CNTNAP5: variants seen among roughly 807,000 people sequenced by gnomAD.
CNTNAP5 encodes the protein contactin-associated protein-like 5.
A neutral mutation model predicts 150.2 loss-of-function variants in CNTNAP5; 72 were observed. The observed-to-expected ratio is 0.48, with a 90% confidence interval of 0.40 to 0.58. The LOEUF (loss-of-function observed/expected upper bound fraction) is 0.58. CNTNAP5 is among the 20% of genes least tolerant of loss of function. The probability of loss-of-function intolerance (pLI) is 0.00; values close to 1 mark genes in which losing one functional copy is unlikely to be tolerated. For missense variants in CNTNAP5, 1,636 were observed against 1,626.2 expected (o/e 1.01, Z -0.10); for synonymous variants, 672 against 619.8 (o/e 1.08, Z -1.25).
chr2:124,760,500 A>G lies in CNTNAP5; in HGVS notation c.2235-3172A>G, dbSNP rs1474418497. Among the ~76,000 whole-genome samples the G allele has an allele frequency of 2.0e-4, 31 of 152,036 alleles. 1 individual carries two copies. The highest frequency in any genetic ancestry group is 4.6e-4 in the Non-Finnish European group (31 of 67,994). On this transcript the variant is annotated intron_variant, in intron 14 of 23. Coordinates refer to ENST00000682447, the MANE Select transcript of CNTNAP5 (RefSeq NM_001367498.1). ...GCCACTCTAAATTTGGTGAAATACCAAAATTCAGATATTTAAACTTAGAGA... is the reference window on the plus strand; with the variant it reads ...GCCACTCTAAATTTGGTGAAATACCGAAATTCAGATATTTAAACTTAGAGA...
rs567234517 is a variant in CNTNAP5, at chr2:124,397,205, C to T, written c.382-20238C>T. On this transcript the variant is annotated intron_variant, in intron 3 of 23. Transcript: ENST00000682447. Reference sequence around the variant, plus strand: ...GATTACTTGGTGCAGGTTGACAATTCTAGAGCCTTTCTGTCTTAGAAAGTT... The same window carrying T: ...GATTACTTGGTGCAGGTTGACAATTTTAGAGCCTTTCTGTCTTAGAAAGTT... Among the ~76,000 whole-genome samples, 3 of 152,248 alleles carry T rather than the reference C, an allele frequency of 2.0e-5. No homozygotes were observed. In the East Asian group the frequency reaches 5.8e-4, roughly 29 times the overall value.
chr2:124,898,526 T>C (rs1393110013), intron 21 of CNTNAP5, among the ~76,000 whole-genome samples: 2 of 151,572 alleles, frequency 1.3e-5, no homozygotes, highest in Non-Finnish European at 2.9e-5. Context: ...TCTACTAGAT[T>C]TAATAGAGGA....
At chr2:124,906,484 A>G (rs1169543790) in intron 22 of CNTNAP5, among the ~76,000 whole-genome samples, 2 of 152,080 alleles carry the variant, frequency 1.3e-5, no homozygotes, top group Non-Finnish European at 2.9e-5. Context: ...GTAATTTTCT[A>G]TTACAGGCAC....
At chr2:124,898,578 A>G (rs1243847427) in intron 21 of CNTNAP5, among the ~76,000 whole-genome samples, 2 of 151,664 alleles carry the variant, frequency 1.3e-5, no homozygotes, top group African/African-American at 4.9e-5. Flanking sequence ...TTGCAAAATA[A>G]TGTAGAAAGT....
intron 1 of CNTNAP5, among the ~76,000 whole-genome samples, chr2:124,097,296 C>CCACAT (rs1323864975): frequency 6.6e-6 from 1 of 152,102 alleles, no homozygotes; most frequent in Non-Finnish European, 1.5e-5. Flanking sequence ...ATTCTAAAGT[C>CCACAT]CACATTCTAA....
intron 17 of CNTNAP5, among the ~76,000 whole-genome samples, chr2:124,785,452 G>A (rs151066322): frequency 9.2e-5 from 14 of 152,270 alleles, no homozygotes; most frequent in South Asian, 6.2e-4. Context: ...GGAAATGATC[G>A]GTGGGTAGAA....
At chr2:124,713,351 CT>C (rs1237518167) in intron 13 of CNTNAP5, among the ~76,000 whole-genome samples, 1 of 121,436 alleles carries the variant, frequency 8.2e-6, no homozygotes, top group Non-Finnish European at 1.7e-5. Flanking sequence ...TTCTTTCTTT[CT>C]TTCTTTCTTT....
chr2:124,145,812 T>TAAAAAAAAAAAA, intron 1 of CNTNAP5, among the ~76,000 whole-genome samples: 17 of 64,150 alleles, frequency 2.7e-4, no homozygotes, highest in African/African-American at 2.8e-4. Flanking sequence ...AAAAAAACAT[T>TAAAAAAAAAAAA]AAAAAAAAAA....
At chr2:124,422,523 T>C (rs956946398) in intron 4 of CNTNAP5, among the ~76,000 whole-genome samples, 4 of 152,192 alleles carry the variant, frequency 2.6e-5, no homozygotes, top group Non-Finnish European at 5.9e-5. Context: ...AACATCTGCT[T>C]CCCCTGACTC....
intron 1 of CNTNAP5, among the ~76,000 whole-genome samples, chr2:124,108,270 T>C (rs191748540): frequency 8.7e-4 from 133 of 152,326 alleles, no homozygotes; most frequent in African/African-American, 3.1e-3. Flanking sequence ...CATTATCTGT[T>C]GACTTCTGGT....
intron 19 of CNTNAP5, among the ~76,000 whole-genome samples, chr2:124,839,150 T>G (rs1468888836): frequency 1.3e-5 from 2 of 152,070 alleles, no homozygotes; most frequent in African/African-American, 4.8e-5. Context: ...TGGGTGGTGC[T>G]CCTTCCAGTA....
intron 14 of CNTNAP5, among the ~76,000 whole-genome samples, chr2:124,759,936 GTCTT>G (rs1278307961): frequency 1.1e-5 from 1 of 93,654 alleles, no homozygotes; most frequent in Admixed American, 1.4e-4. Context: ...AAACTCCTCG[GTCTT>G]TTTTTTTTTT....
intron 1 of CNTNAP5, among the ~76,000 whole-genome samples, chr2:124,167,471 A>G (rs1019181767): frequency 1.3e-5 from 2 of 152,192 alleles, no homozygotes; most frequent in African/African-American, 4.8e-5. Flanking sequence ...TCAACACTGC[A>G]TAAAAATTCT....
chr2:124,468,145 C>T (rs1693424618), intron 6 of CNTNAP5, among the ~76,000 whole-genome samples: 1 of 152,028 alleles, frequency 6.6e-6, no homozygotes, highest in Admixed American at 6.6e-5. Context: ...AACCAGGGTT[C>T]TCTAGAGGGA....
intron 13 of CNTNAP5, among the ~76,000 whole-genome samples, chr2:124,652,255 C>T (rs952144758): frequency 7.9e-5 from 12 of 152,308 alleles, no homozygotes; most frequent in Middle Eastern, 6.8e-3. Context: ...TTTCCCCTCA[C>T]TCTGCTTGCT....
At chr2:124,319,007 T>TA (rs927633439) in intron 3 of CNTNAP5, among the ~76,000 whole-genome samples, 1 of 152,214 alleles carries the variant, frequency 6.6e-6, no homozygotes, top group Admixed American at 6.5e-5. Flanking sequence ...GGATAGTTTT[T>TA]AGCCTTTTCC....
Position 124,694,631 on chromosome 2 carries a change from T to C in CNTNAP5, c.2077+46673T>C, listed in dbSNP as rs181884933. Among the ~76,000 whole-genome samples the C allele has an allele frequency of 2.5e-3, 375 of 152,264 alleles. 1 individual carries two copies. The highest frequency in any genetic ancestry group is 8.7e-3 in the African/African-American group (361 of 41,566). Reference sequence around the variant, plus strand: ...TAATAACAAGGTCTCCAAAAAAATGTGAATGTGTCTAGATACAAGCTTATT... The same window carrying C: ...TAATAACAAGGTCTCCAAAAAAATGCGAATGTGTCTAGATACAAGCTTATT... On this transcript the variant is annotated intron_variant, in intron 13 of 23. Coordinates refer to ENST00000682447, the MANE Select transcript of CNTNAP5 (RefSeq NM_001367498.1).
intron 10 of CNTNAP5, among the ~76,000 whole-genome samples, chr2:124,553,548 A>G (rs1695681628): frequency 6.6e-6 from 1 of 151,382 alleles, no homozygotes; most frequent in Non-Finnish European, 1.5e-5. Context: ...AAATAAAAGG[A>G]TTGATTATGC....
chr2:124,161,141 T>C (rs1453469174), intron 1 of CNTNAP5, among the ~76,000 whole-genome samples: 1 of 152,154 alleles, frequency 6.6e-6, no homozygotes, highest in African/African-American at 2.4e-5. Context: ...ACTGAGTGCC[T>C]AATACATCAA....
Sources: gnomAD v4.1 joint callset for allele counts (sites outside exome capture counted in the v4.1 genomes callset) on GRCh38, gnomAD v4.1.1 for gene constraint, MANE v1.5 for transcripts, NCBI Gene and HGNC (gene_info 2026-07-23, HGNC 2026-07-21) for gene names.